DISC1: variants seen among roughly 807,000 people sequenced by gnomAD.
DISC1 encodes the protein disrupted in schizophrenia 1 protein.
In DISC1, 57 loss-of-function variants were observed where a neutral mutation model predicts 84.5. The observed-to-expected ratio is 0.67, with a 90% CI of 0.55 to 0.84. The LOEUF is 0.84. DISC1 is among the 40% of genes least tolerant of loss of function. The pLI is 0.00. For synonymous variants in DISC1, 411 were observed against 415.2 expected (o/e 0.99, Z 0.12); for missense variants, 1,000 against 1,057.8 (o/e 0.95, Z 0.76).
chr1:232,003,422 G>T (rs901067346), intron 10 of DISC1, among the ~76,000 whole-genome samples: 5 of 152,058 alleles, frequency 3.3e-5, no homozygotes, highest in African/African-American at 1.2e-4. Flanking sequence ...AAAATTTAAT[G>T]ATTGGAACCC....
At chr1:231,786,370 A>G (rs567406392) in intron 6 of DISC1, among the ~76,000 whole-genome samples, 4 of 152,178 alleles carry the variant, frequency 2.6e-5, no homozygotes, top group Non-Finnish European at 5.9e-5. Flanking sequence ...GTAATTCTCT[A>G]AGTGTCGTTA....
chr1:231,967,270 C>T (rs1027838999), intron 10 of DISC1, among the ~76,000 whole-genome samples: 4 of 152,258 alleles, frequency 2.6e-5, no homozygotes, highest in East Asian at 1.9e-4. Flanking sequence ...CTGTAAACTG[C>T]CAACTGCTCT....
intron 3 of DISC1, chr1:231,721,189 G>A (rs142738344): frequency 1.9e-6 from 2 of 1,057,496 alleles, no homozygotes; most frequent in East Asian, 1.2e-4. Context: ...TATAAAAACT[G>A]TGCTGATTGA....
chr1:231,803,753 C>T (rs2125662985), intron 8 of DISC1, among the ~76,000 whole-genome samples: 1 of 152,100 alleles, frequency 6.6e-6, no homozygotes, highest in Non-Finnish European at 1.5e-5. Context: ...TCAAGACCAT[C>T]CTGGCTAACA....
chr1:231,780,962 A>G (rs1323437815), intron 6 of DISC1, among the ~76,000 whole-genome samples: 2 of 113,806 alleles, frequency 1.8e-5, no homozygotes, highest in African/African-American at 6.9e-5. Flanking sequence ...TTGAACAATG[A>G]GATCACATGG....
rs536653348 is a variant in DISC1, at chr1:231,959,861, T to C, written c.2042+973T>C. Among the ~76,000 whole-genome samples the C allele has an allele frequency of 3.5e-4, 53 of 152,330 alleles. 1 individual carries two copies. In the South Asian group the frequency reaches 9.8e-3, roughly 28 times the overall value. On this transcript the variant is annotated intron_variant, in intron 10 of 12. Coordinates refer to ENST00000439617, the MANE Select transcript of DISC1 (RefSeq NM_018662.3). Reference sequence around the variant, plus strand: ...CTTGCACCTGGGTCAGATGCTCCGCTCTGAGTCTGGCCTTCCTCCTCTCGC... The same window carrying C: ...CTTGCACCTGGGTCAGATGCTCCGCCCTGAGTCTGGCCTTCCTCCTCTCGC...
chr1:232,019,626 CAGAG>C (rs1467444955), intron 11 of DISC1, among the ~76,000 whole-genome samples: 2 of 152,094 alleles, frequency 1.3e-5, no homozygotes, highest in African/African-American at 4.8e-5. Context: ...AAATTGCACA[CAGAG>C]AGACACTCAG....
At chr1:231,973,572 G>A (rs926195335) in intron 10 of DISC1, among the ~76,000 whole-genome samples, 6 of 152,066 alleles carry the variant, frequency 3.9e-5, no homozygotes, top group South Asian at 2.1e-4. Flanking sequence ...TCGACAATGC[G>A]GTTGATAAAC....
At chr1:231,859,244 T>C (rs2084479433) in intron 9 of DISC1, among the ~76,000 whole-genome samples, 1 of 152,250 alleles carries the variant, frequency 6.6e-6, no homozygotes, top group Admixed American at 6.5e-5. Context: ...GCTCTATTTC[T>C]TTTCTATTTA....
intron 1 of DISC1, among the ~76,000 whole-genome samples, chr1:231,678,972 G>A (rs1003782279): frequency 2.6e-5 from 4 of 152,208 alleles, no homozygotes; most frequent in East Asian, 1.9e-4. Context: ...CACCGCGCCC[G>A]GCCACGTTGC....
At chr1:231,953,178 A>G (rs1365616512) in intron 9 of DISC1, among the ~76,000 whole-genome samples, 3 of 152,222 alleles carry the variant, frequency 2.0e-5, no homozygotes, top group African/African-American at 4.8e-5. Context: ...GTGCTCAGTA[A>G]AATGGTAGCT....
At position 231,867,926 on chromosome 1, in the gene DISC1, C is replaced by T. The variant is rs114292947; in HGVS notation, c.1981+49409C>T. ...GCAGAGCACTTCAAACCTGGCTATTCGCAAGGGAGAGAAAAAAGCTGCCAC... is the reference window on the plus strand; with the variant it reads ...GCAGAGCACTTCAAACCTGGCTATTTGCAAGGGAGAGAAAAAAGCTGCCAC... On this transcript the variant is annotated intron_variant, in intron 9 of 12. Coordinates refer to ENST00000439617, the MANE Select transcript of DISC1 (RefSeq NM_018662.3). Among the ~76,000 whole-genome samples, 1,095 of 152,274 alleles carry T rather than the reference C, an allele frequency of 7.2e-3. 23 individuals are homozygous for T. Among genetic ancestry groups the T allele is most frequent in the African/African-American group, 0.023 (959 of 41,548 alleles).
chr1:231,694,474 G>T lies in DISC1; in HGVS notation c.716G>T (p.Cys239Phe). The T allele has an allele frequency of 1.2e-6, 2 of 1,614,266 alleles. No individual in the cohort carries two copies. The highest frequency in any genetic ancestry group is 1.1e-5 in the South Asian group (1 of 91,088). The stretch of plus-strand genomic sequence containing the variant: ...CCATCCAGAGAGGCTGAGTCCCATT[G>T]CCAGAGCCCCCAGGAGATGGGAGCC... ...CPPSREAESHCQSPQEMGAKA... is the reference protein window; with the variant it reads ...CPPSREAESHFQSPQEMGAKA... The change falls in exon 2 of 13, where the codon TGC (cysteine) becomes TTC (phenylalanine). Residue 239 changes from cysteine (C) to phenylalanine (F), a missense_variant. By Grantham distance (205) the Cys-to-Phe change is radical (BLOSUM62 -2). Coordinates refer to ENST00000439617, the MANE Select transcript of DISC1 (RefSeq NM_018662.3).
At chr1:231,898,893 A>C (rs1458425282) in intron 9 of DISC1, among the ~76,000 whole-genome samples, 1 of 152,060 alleles carries the variant, frequency 6.6e-6, no homozygotes, top group Admixed American at 6.6e-5. Flanking sequence ...AGATGATGCA[A>C]GTGCACTCCA....
chr1:231,690,662 A>G (rs911749795), intron 1 of DISC1, among the ~76,000 whole-genome samples: 13 of 152,210 alleles, frequency 8.5e-5, no homozygotes, highest in African/African-American at 2.9e-4. Flanking sequence ...TTTCCTCAAA[A>G]AATAAAAAAG....
chr1:231,728,950 G>A (rs1028166411), intron 3 of DISC1, among the ~76,000 whole-genome samples: 1 of 152,042 alleles, frequency 6.6e-6, no homozygotes, highest in African/African-American at 2.4e-5. Context: ...CCATTAACTC[G>A]TCATTTAACA....
chr1:231,722,571 G>T, intron 3 of DISC1: 1 of 1,614,164 alleles, frequency 6.2e-7, no homozygotes, highest in Non-Finnish European at 8.5e-7. Context: ...CACCATGGAA[G>T]CCTCGACATC....
intron 4 of DISC1, among the ~76,000 whole-genome samples, chr1:231,752,030 A>G (rs946656425): frequency 1.3e-5 from 2 of 152,236 alleles, no homozygotes; most frequent in African/African-American, 4.8e-5. Flanking sequence ...ATCCACCAGC[A>G]GGTGAGTGCT....
Position 231,971,897 on chromosome 1 carries a change from A to G in DISC1, c.2042+13009A>G, listed in dbSNP as rs765468116. On this transcript the variant is annotated intron_variant, in intron 10 of 12. Coordinates refer to ENST00000439617, the MANE Select transcript of DISC1 (RefSeq NM_018662.3). Reference sequence around the variant, plus strand: ...AAAATTCCCCAGTAGAAATCATACAATGATTTAGCGGACTAAGAAAAAGAA... The same window carrying G: ...AAAATTCCCCAGTAGAAATCATACAGTGATTTAGCGGACTAAGAAAAAGAA... Among the ~76,000 whole-genome samples, 13 of 152,228 alleles carry G rather than the reference A, an allele frequency of 8.5e-5. No individual in the cohort carries two copies. In the East Asian group the frequency reaches 9.6e-4, roughly 11 times the overall value.
Sources: allele counts gnomAD v4.1 joint callset (sites outside exome capture counted in the v4.1 genomes callset), GRCh38; gene constraint gnomAD v4.1.1; transcripts MANE v1.5; gene names NCBI Gene and HGNC (gene_info 2026-07-23, HGNC 2026-07-21).